The following DPP4 variants were observed in gnomAD, a reference collection of about 807,000 sequenced individuals.
DPP4 encodes dipeptidyl peptidase 4.
A neutral mutation model predicts 122.4 loss-of-function variants in DPP4; 93 were observed. That is an observed-to-expected ratio of 0.76 (90% CI 0.64 to 0.90). DPP4 has a LOEUF of 0.90. Among genes scored for constraint, DPP4 ranks in the 40% least tolerant of loss-of-function variants. The pLI is 0.00. For synonymous variants in DPP4, 321 were observed against 302.9 expected, an observed-to-expected ratio of 1.06 and a Z score of -0.62; for missense variants, 914 against 907.3, an observed-to-expected ratio of 1.01 and a Z score of -0.09.
chr2:162,053,713 G>C (rs6741949), intron 2 of DPP4, among the ~76,000 whole-genome samples: 50,231 of 152,186 alleles, frequency 0.33, 9,435 homozygotes, highest in Non-Finnish European at 0.42. Context: ...GCATGTATAA[G>C]CTATAAACCT....
At chr2:162,057,795 C>T (rs2106148794) in intron 2 of DPP4, among the ~76,000 whole-genome samples, 1 of 151,984 alleles carries the variant, frequency 6.6e-6, no homozygotes, top group South Asian at 2.1e-4. Context: ...TTTTTTGAGA[C>T]AGAGTCTTAC....
chr2:162,009,340 A>T (rs756946404), intron 20 of DPP4, 45 bp from the exon 21 acceptor site: 1 of 1,574,030 alleles, frequency 6.4e-7, no homozygotes. Flanking sequence ...TGCATTGTGT[A>T]TAGAAAACTT....
intron 10 of DPP4, among the ~76,000 whole-genome samples, chr2:162,030,708 T>C (rs1683516998): frequency 6.6e-6 from 1 of 152,088 alleles, no homozygotes; most frequent in East Asian, 1.9e-4. Flanking sequence ...ACCTTACCAG[T>C]GTTAACAGAG....
intron 25 of DPP4, among the ~76,000 whole-genome samples, 193 bp from the exon 26 acceptor site, chr2:161,993,577 C>T (rs967276754): frequency 3.3e-5 from 5 of 152,160 alleles, no homozygotes; most frequent in South Asian, 2.1e-4. Flanking sequence ...TTCCAGGGCA[C>T]GTTGTTCTGT....
At chr2:162,053,560 A>T (rs1302392323) in intron 2 of DPP4, among the ~76,000 whole-genome samples, 2 of 152,228 alleles carry the variant, frequency 1.3e-5, no homozygotes, top group African/African-American at 4.8e-5. Flanking sequence ...AGGGGAAAGG[A>T]CTATGTCAAA....
chr2:162,018,605 G>A lies in DPP4; in HGVS notation c.1420+124C>T, dbSNP rs1683003658. The A allele has an allele frequency of 2.4e-6, 3 of 1,248,196 alleles. No homozygotes were observed. In the South Asian group the frequency reaches 4.7e-5, roughly 19 times the overall value. The allele number at this position is 1,248,196 out of a possible 1,614,324, so 77.3% of individuals were successfully genotyped here. The stretch of plus-strand genomic sequence containing the variant: ...GATTGTTTATGCTCACTACTTAAAT[G>A]TGAGTGGAGAGAAGGGGACTTAGGT... On this transcript the variant is annotated intron_variant, in intron 16 of 25. Coordinates refer to ENST00000360534, the MANE Select transcript of DPP4 (RefSeq NM_001935.4).
chr2:162,025,006 C>G (rs961004019), intron 10 of DPP4, 67 bp from the exon 11 acceptor site: 21 of 1,544,796 alleles, frequency 1.4e-5, no homozygotes, highest in Non-Finnish European at 1.8e-5. Flanking sequence ...GACCTTGGTA[C>G]AAATAGACAT....
chr2:162,009,179 G>A lies in DPP4; in HGVS notation c.1887+62C>T. On this transcript the variant is annotated intron_variant, in intron 21 of 25. Coordinates refer to ENST00000360534, the MANE Select transcript of DPP4 (RefSeq NM_001935.4). ...CAAATATGTATATACAAAAGATAAA[G>A]TAACCTGCTCTGAGTGATATTCACT... 2.6e-6 allele frequency: 4 copies of A among 1,538,592 alleles called. No individual in the cohort carries two copies. In the South Asian group the frequency reaches 4.5e-5, roughly 17 times the overall value.
chr2:162,029,542 A>T (rs1303479403), intron 10 of DPP4, among the ~76,000 whole-genome samples: 1 of 152,234 alleles, frequency 6.6e-6, no homozygotes, highest in Non-Finnish European at 1.5e-5. Flanking sequence ...CGTAGCATGC[A>T]GGTCCTAATG....
At chr2:162,058,871 A>G (rs1684665157) in intron 2 of DPP4, among the ~76,000 whole-genome samples, 1 of 152,226 alleles carries the variant, frequency 6.6e-6, no homozygotes, top group South Asian at 2.1e-4. Flanking sequence ...TCATCTGGAC[A>G]TTCCTCAAAA....
At chr2:162,044,449 C>A (rs1370291980) in intron 5 of DPP4, among the ~76,000 whole-genome samples, 1 of 144,338 alleles carries the variant, frequency 6.9e-6, no homozygotes, top group Non-Finnish European at 1.5e-5. Flanking sequence ...GGTGTGTGAG[C>A]GTTGGTGTGT....
chr2:162,041,004 A>T (rs1242107623), intron 5 of DPP4, among the ~76,000 whole-genome samples: 14 of 152,146 alleles, frequency 9.2e-5, no homozygotes, highest in Non-Finnish European at 1.8e-4. Context: ...AATGCAATTT[A>T]CAAAAAACTA....
intron 2 of DPP4, among the ~76,000 whole-genome samples, chr2:162,071,939 T>C (rs1490934415): frequency 6.6e-6 from 1 of 152,204 alleles, no homozygotes; most frequent in Non-Finnish European, 1.5e-5. Flanking sequence ...AATTACAGTT[T>C]TACTCAAACT....
intron 9 of DPP4, among the ~76,000 whole-genome samples, chr2:162,034,104 C>A (rs921594198): frequency 2.6e-5 from 4 of 151,844 alleles, no homozygotes. Context: ...CACCATCCAC[C>A]AGAAAAATCA....
chr2:162,011,502 A>G (rs570688479), intron 20 of DPP4, among the ~76,000 whole-genome samples: 1 of 152,206 alleles, frequency 6.6e-6, no homozygotes, highest in African/African-American at 2.4e-5. Context: ...GAGTCTGATG[A>G]ATTTTGATTT....
At chr2:162,072,407 T>A (rs1039813584) in intron 2 of DPP4, among the ~76,000 whole-genome samples, 6 of 152,234 alleles carry the variant, frequency 3.9e-5, no homozygotes, top group African/African-American at 1.4e-4. Context: ...CATTCAGTTA[T>A]TTAACCTTTG....
rs1045197117 is a variant in DPP4 at position 162,062,114 on chromosome 2, CAAA to C, written c.94+11282_94+11284del. On this transcript the variant is annotated intron_variant, in intron 2 of 25. Coordinates refer to ENST00000360534, the MANE Select transcript of DPP4 (RefSeq NM_001935.4). ...CAAAACCCTGTCTCTACTAAAAATA[CAAA>C]AAAAAAAAAAAAAAATTAGCTGGGC... Among the ~76,000 whole-genome samples, 13 of 80,984 alleles carry C rather than the reference CAAA, an allele frequency of 1.6e-4. No individual in the cohort carries two copies. The East Asian group carries it at 3.2e-3, about 20-fold the overall frequency. The allele number at this position is 80,984 out of a possible 152,430, so 53.1% of individuals were successfully genotyped here. A position where few individuals can be genotyped will look rare whatever the true frequency, so the allele number is the denominator to read the frequency against.
At chr2:162,018,885 G>T in intron 15 of DPP4, 35 bp from the exon 16 acceptor site, 1 of 1,611,528 alleles carries the variant, frequency 6.2e-7, no homozygotes, top group Non-Finnish European at 8.5e-7. Flanking sequence ...AGTGCTTGAA[G>T]AAAAGATAAG....
intron 23 of DPP4, among the ~76,000 whole-genome samples, chr2:161,998,988 A>T (rs1701075770): frequency 6.6e-6 from 1 of 152,234 alleles, no homozygotes; most frequent in Non-Finnish European, 1.5e-5. Context: ...TGCCATTTCA[A>T]ATGCGCACTT....
Sources: gnomAD v4.1 joint callset for allele counts (sites outside exome capture counted in the v4.1 genomes callset) on GRCh38, gnomAD v4.1.1 for gene constraint, MANE v1.5 for transcripts, NCBI Gene and HGNC (gene_info 2026-07-23, HGNC 2026-07-21) for gene names.